Variants in MGAT5 observed in about 807,000 individuals in gnomAD.
MGAT5 encodes alpha-1,6-mannosylglycoprotein 6-beta-N-acetylglucosaminyltransferase.
Under a neutral mutation model 94.3 loss-of-function variants are expected in MGAT5, and 30 were observed. That is an observed-to-expected ratio of 0.32 (90% CI 0.24 to 0.43). MGAT5 has a LOEUF of 0.43. Among genes scored for constraint, MGAT5 ranks in the 20% least tolerant of loss-of-function variants. The probability of loss-of-function intolerance (pLI) is 1.00; values close to 1 mark genes in which losing one functional copy is unlikely to be tolerated. For synonymous variants in MGAT5, 310 were observed against 322.9 expected, an observed-to-expected ratio of 0.96 and a Z score of 0.43; for missense variants, 691 against 905.5, an observed-to-expected ratio of 0.76 and a Z score of 3.04.
chr2:134,318,787 T>A (rs1430092302), intron 4 of MGAT5, 48 bp downstream of exon 4: 1 of 1,329,648 alleles, frequency 7.5e-7, no homozygotes, highest in African/African-American at 1.5e-5. Context: ...CTGGTTGGAC[T>A]GTTCTGTAGC....
At chr2:134,418,962 T>C (rs1158343712) in intron 12 of MGAT5, among the ~76,000 whole-genome samples, 1 of 152,254 alleles carries the variant, frequency 6.6e-6, no homozygotes, top group Non-Finnish European at 1.5e-5. Context: ...AAAATCCCTG[T>C]AACCAAAGAA....
intron 2 of MGAT5, among the ~76,000 whole-genome samples, chr2:134,290,271 A>G (rs530042235): frequency 3.9e-5 from 6 of 152,282 alleles, no homozygotes; most frequent in African/African-American, 1.4e-4. Flanking sequence ...TAGTTTTTCT[A>G]CTTTTACCAT....
At chr2:134,311,328 C>T (rs530602742) in intron 2 of MGAT5, among the ~76,000 whole-genome samples, 2 of 152,134 alleles carry the variant, frequency 1.3e-5, no homozygotes, top group African/African-American at 4.8e-5. Context: ...CTATCAGATG[C>T]CTGTCCAGAA....
intron 4 of MGAT5, among the ~76,000 whole-genome samples, chr2:134,320,964 A>C (rs1213346875): frequency 6.6e-6 from 1 of 152,136 alleles, no homozygotes; most frequent in Non-Finnish European, 1.5e-5. Context: ...CCATCATGAA[A>C]ACCCCAGAGC....
chr2:134,383,669 A>G (rs1241565417), intron 10 of MGAT5, among the ~76,000 whole-genome samples: 1 of 151,628 alleles, frequency 6.6e-6, no homozygotes, highest in Non-Finnish European at 1.5e-5. Context: ...TGCAGCCCAC[A>G]TACCTGTCAC....
chr2:134,437,490 C>T (rs1458817951), intron 14 of MGAT5, among the ~76,000 whole-genome samples: 1 of 152,176 alleles, frequency 6.6e-6, no homozygotes, highest in African/African-American at 2.4e-5. Context: ...TTTCAGCCTT[C>T]GTGGGTCTTC....
intron 15 of MGAT5, among the ~76,000 whole-genome samples, chr2:134,446,859 T>C (rs1321765545): frequency 6.6e-6 from 1 of 152,138 alleles, no homozygotes; most frequent in African/African-American, 2.4e-5. Flanking sequence ...AGTGACATGC[T>C]GAGTTCCAGA....
intron 2 of MGAT5, among the ~76,000 whole-genome samples, chr2:134,272,522 T>C (rs1319788114): frequency 1.3e-5 from 2 of 152,162 alleles, no homozygotes; most frequent in African/African-American, 2.4e-5. Context: ...AGAATACACA[T>C]GCATAAAATG....
At chr2:134,221,953 C>T (rs139121845) in intron 1 of MGAT5, among the ~76,000 whole-genome samples, 224 of 152,080 alleles carry the variant, frequency 1.5e-3, no homozygotes, top group African/African-American at 5.1e-3. Flanking sequence ...GCTCTAGGAA[C>T]GCTCATTCCT....
At chr2:134,350,945 C>T (rs1679343642) in intron 9 of MGAT5, among the ~76,000 whole-genome samples, 2 of 152,126 alleles carry the variant, frequency 1.3e-5, no homozygotes, top group Non-Finnish European at 2.9e-5. Flanking sequence ...ATCTTCTTCC[C>T]ATGTGGTTGC....
intron 4 of MGAT5, among the ~76,000 whole-genome samples, chr2:134,327,214 T>C (rs1336504824): frequency 1.3e-5 from 2 of 152,144 alleles, no homozygotes. Flanking sequence ...CAGGGGCGTT[T>C]TGAGCACTGA....
At chr2:134,195,028 A>C (rs1573839197) in intron 1 of MGAT5, among the ~76,000 whole-genome samples, 1 of 152,328 alleles carries the variant, frequency 6.6e-6, no homozygotes, top group African/African-American at 2.4e-5. Context: ...ACTGGCTGTG[A>C]AAGTCACATA....
intron 6 of MGAT5, 128 bp downstream of exon 6, chr2:134,338,548 C>T: frequency 9.9e-7 from 1 of 1,005,162 alleles, no homozygotes; most frequent in Non-Finnish European, 1.4e-6. Flanking sequence ...TCTGCTCAGT[C>T]TCTTGTACAG....
rs537641723 is a variant in MGAT5 at position 134,361,000 on chromosome 2, A to G, written c.1247-1275A>G. Among the ~76,000 whole-genome samples, 236 of 152,314 alleles carry G rather than the reference A, an allele frequency of 1.5e-3. 4 individuals are homozygous for G. Among genetic ancestry groups the G allele is most frequent in the African/African-American group, 5.5e-3 (228 of 41,570 alleles). On this transcript the variant is annotated intron_variant, in intron 9 of 15. Coordinates refer to ENST00000281923, the MANE Select transcript of MGAT5 (RefSeq NM_002410.5). Reference sequence around the variant, plus strand: ...TTTCCACAGCTCAGGGCTTCCTGCCACTGTCCCTTCTTCATTGTGTTCCCC... The same window carrying G: ...TTTCCACAGCTCAGGGCTTCCTGCCGCTGTCCCTTCTTCATTGTGTTCCCC...
chr2:134,344,137 T>G (rs1688789787), intron 7 of MGAT5, among the ~76,000 whole-genome samples: 1 of 152,106 alleles, frequency 6.6e-6, no homozygotes, highest in African/African-American at 2.4e-5. Context: ...GGTGACTGAT[T>G]AGTGAGTGGA....
At chr2:134,390,461 G>A (rs574344508) in intron 10 of MGAT5, among the ~76,000 whole-genome samples, 24 of 152,100 alleles carry the variant, frequency 1.6e-4, no homozygotes, top group Admixed American at 3.3e-4. Context: ...CCATTAACTC[G>A]TCATTTACAT....
upstream of MGAT5, among the ~76,000 whole-genome samples, chr2:134,249,948 T>C (rs1216494504): frequency 6.6e-6 from 1 of 152,274 alleles, no homozygotes; most frequent in African/African-American, 2.4e-5. Flanking sequence ...TATGTCCTTA[T>C]GAGTGTGAAG....
At chr2:134,264,827 G>C (rs1683593254) in intron 1 of MGAT5, among the ~76,000 whole-genome samples, 1 of 152,184 alleles carries the variant, frequency 6.6e-6, no homozygotes, top group African/African-American at 2.4e-5. Flanking sequence ...AAGCTGCTCT[G>C]TGGCTCTGTT....
At chr2:134,170,743 T>C (rs144383612) in intron 1 of MGAT5, among the ~76,000 whole-genome samples, 2 of 152,312 alleles carry the variant, frequency 1.3e-5, no homozygotes, top group Non-Finnish European at 2.9e-5. Context: ...ATCAGAAACA[T>C]ACTATACATG....
Sources: allele counts gnomAD v4.1 joint callset (sites outside exome capture counted in the v4.1 genomes callset), GRCh38; gene constraint gnomAD v4.1.1; transcripts MANE v1.5; gene names NCBI Gene and HGNC (gene_info 2026-07-23, HGNC 2026-07-21).